Variants in CIZ1 observed in about 807,000 individuals in gnomAD.
CIZ1 encodes cip1-interacting zinc finger protein.
Under a neutral mutation model 118.6 loss-of-function variants are expected in CIZ1, and 58 were observed. That is an observed-to-expected ratio of 0.49 (90% confidence interval 0.40 to 0.61). The LOEUF (loss-of-function observed/expected upper bound fraction) is 0.61. Ranked by LOEUF, CIZ1 falls within the 20% of genes least tolerant of loss-of-function variation. The pLI, the probability that CIZ1 is intolerant of heterozygous loss-of-function variation, is 0.00. For missense variants in CIZ1, 921 were observed against 1,115.9 expected (o/e 0.83, Z 2.49); for synonymous variants, 448 against 443.4 (o/e 1.01, Z -0.13).
chr9:128,169,229 G>T lies in CIZ1; in HGVS notation c.2146-28C>A, dbSNP rs369867281. ...GCCCAGGGAGTAGGCAAGGAGCTCAGGTCAGCTCTGAACAGCCAGGGGGCC... is the reference window on the plus strand; with the variant it reads ...GCCCAGGGAGTAGGCAAGGAGCTCATGTCAGCTCTGAACAGCCAGGGGGCC... On this transcript the variant is annotated intron_variant, in intron 13 of 16. Coordinates refer to ENST00000372938, the MANE Select transcript of CIZ1 (RefSeq NM_001131016.2). The T allele has an allele frequency of 3.1e-6, 5 of 1,612,412 alleles. No homozygotes were observed. In the East Asian group the frequency reaches 1.1e-4, roughly 36 times the overall value.
chr9:128,183,546 A>C (rs1831963480), intron 5 of CIZ1, among the ~76,000 whole-genome samples: 1 of 152,228 alleles, frequency 6.6e-6, no homozygotes, highest in African/African-American at 2.4e-5. Context: ...GGGTGTGAGC[A>C]GGAGCTGCGG....
chr9:128,169,667 C>G, intron 12 of CIZ1, 148 bp from the exon 13 acceptor site: 4 of 1,538,920 alleles, frequency 2.6e-6, no homozygotes, highest in Non-Finnish European at 3.5e-6. Flanking sequence ...TGCACTGGAA[C>G]GTGGGCAAAC....
intron 11 of CIZ1, among the ~76,000 whole-genome samples, chr9:128,174,474 A>G (rs1830617589): frequency 6.6e-6 from 1 of 152,124 alleles, no homozygotes; most frequent in Non-Finnish European, 1.5e-5. Context: ...TATCTCTTAT[A>G]TTCCCACTAA....
In CIZ1 at chr9:128,203,292, G is replaced by T. The variant is rs1437832162; in HGVS notation, c.-6+894C>A. The T allele has an allele frequency of 5.8e-6, 2 of 343,752 alleles. No individual in the cohort carries two copies. Among genetic ancestry groups the T allele is most frequent in the African/African-American group, 4.4e-5 (2 of 45,548 alleles). 21.3% of individuals were successfully genotyped at this position (343,752 alleles called of 1,614,324 possible). A position where few individuals can be genotyped will look rare whatever the true frequency, so the allele number is the denominator to read the frequency against. On this transcript the variant is annotated intron_variant, in intron 1 of 17. Transcript: ENST00000372948. The surrounding 1 kb of genome is among the most constrained non-coding windows in gnomAD (Gnocchi z 5.3). ...GGACGGCGCCTGCGCACGGCGGCCG[G>T]CCCGCAGCGCCGCGGGCTCCCCCTA... is the stretch of plus-strand genomic sequence containing the variant.
At chr9:128,185,802 G>C in intron 4 of CIZ1, 26 bp from the exon 5 acceptor site, 1 of 1,557,112 alleles carries the variant, frequency 6.4e-7, no homozygotes, top group Non-Finnish European at 8.8e-7. Flanking sequence ...CAGGAGAAGA[G>C]GGGTCACAAT....
chr9:128,173,770 G>A (rs1011731149), intron 11 of CIZ1, among the ~76,000 whole-genome samples: 9 of 151,994 alleles, frequency 5.9e-5, no homozygotes, highest in Admixed American at 5.2e-4. Context: ...ACTTTGGGAG[G>A]CCAAGGCGGG....
At chr9:128,177,528 G>GCGCCCCCCCCCCCCCCC in intron 10 of CIZ1, 38 bp downstream of exon 10, 1 of 1,164,644 alleles carries the variant, frequency 8.6e-7, no homozygotes. Flanking sequence ...TTCCACGCAG[G>GCGCCCCCCCCCCCCCCC]CCCCACCCCT....
At chr9:128,175,627 C>G (rs1830758005) in intron 11 of CIZ1, among the ~76,000 whole-genome samples, 3 of 152,172 alleles carry the variant, frequency 2.0e-5, no homozygotes, top group Admixed American at 6.5e-5. Context: ...TTGATTTGCT[C>G]TCCGTAGGGT....
At chr9:128,189,853 A>AAAAAAAAAAAAAAAAAAAAAC (rs1832911896) in intron 3 of CIZ1, among the ~76,000 whole-genome samples, 1 of 149,250 alleles carries the variant, frequency 6.7e-6, no homozygotes. Context: ...AAAAAAAAAA[A>AAAAAAAAAAAAAAAAAAAAAC]AAAAGGAGCA....
At chr9:128,177,906 C>G in intron 9 of CIZ1, 143 bp from the exon 10 acceptor site, 2 of 620,682 alleles carry the variant, frequency 3.2e-6, no homozygotes, top group Non-Finnish European at 5.4e-6. Flanking sequence ...CTGACTACCC[C>G]AGCTTGCACA....
chr9:128,166,778 C>T lies in CIZ1; in HGVS notation c.2468G>A (p.Gly823Asp). Residue 823 changes from glycine (G) to aspartate (D), a missense_variant, in exon 16 of 17, where the codon GGC becomes GAC. Coordinates refer to ENST00000372938, the MANE Select transcript of CIZ1 (RefSeq NM_001131016.2). This position sits in a 1 kb window ranked among gnomAD's most constrained non-coding sequence, Gnocchi z 4.4. ...GAQLSHCKSL[G>D]HFENLQKYKA... ...GCTCACCTGCAGGTTCTCAAAGTGG[C>T]CCAGGGACTTGCAGTGGGAGAGCTG... 1.2e-6 allele frequency: 2 copies of T among 1,614,192 alleles called. No homozygotes were observed. Among genetic ancestry groups the T allele is most frequent in the East Asian group, 4.5e-5 (2 of 44,888 alleles).
At chr9:128,192,444 G>T (rs1367797441), upstream of CIZ1, among the ~76,000 whole-genome samples, 3 of 152,010 alleles carry the variant, frequency 2.0e-5, no homozygotes, top group Admixed American at 6.6e-5. Flanking sequence ...CACCTAAAAT[G>T]GTCCTGCCCC....
At chr9:128,173,825 A>T (rs375270010) in intron 11 of CIZ1, among the ~76,000 whole-genome samples, 79 of 151,914 alleles carry the variant, frequency 5.2e-4, no homozygotes, top group South Asian at 2.7e-3. Context: ...GCTAACACAG[A>T]GAAACCCTGT....
chr9:128,201,210 G>A lies in CIZ1; in HGVS notation c.-6+2976C>T, dbSNP rs9721846. On this transcript the variant is annotated intron_variant, in intron 1 of 17. Transcript: ENST00000372948. ...TTGAACCCAGGAGGTGGAGGTTGCA[G>A]TGAGCCAAGATCGCACCACTGCACT... 0.011 allele frequency among the ~76,000 whole-genome samples: 1,634 copies of A among 152,156 alleles called. 56 individuals are homozygous for A. In the East Asian group the frequency reaches 0.12, roughly 11 times the overall value.
At chr9:128,186,836 A>G (rs1000716865) in intron 4 of CIZ1, among the ~76,000 whole-genome samples, 9 of 151,736 alleles carry the variant, frequency 5.9e-5, no homozygotes, top group African/African-American at 1.9e-4. Context: ...AGACCTCCCT[A>G]TAGGTATCTC....
chr9:128,172,757 G>A (rs1474729596), intron 11 of CIZ1, among the ~76,000 whole-genome samples: 1 of 152,030 alleles, frequency 6.6e-6, no homozygotes, highest in Non-Finnish European at 1.5e-5. Flanking sequence ...TTTATCTCTG[G>A]GTAATGGGAT....
chr9:128,202,365 G>A (rs1309285738), intron 1 of CIZ1, among the ~76,000 whole-genome samples: 1 of 152,214 alleles, frequency 6.6e-6, no homozygotes, highest in Non-Finnish European at 1.5e-5. Flanking sequence ...TGGTCTGTCT[G>A]TGTGAAAGGG....
At chr9:128,199,380 T>G (rs1269594012) in intron 1 of CIZ1, among the ~76,000 whole-genome samples, 1 of 151,184 alleles carries the variant, frequency 6.6e-6, no homozygotes, top group East Asian at 1.9e-4. Flanking sequence ...AAAAAAAAAT[T>G]CTGCCCAGCA....
At chr9:128,169,562 G>A in intron 12 of CIZ1, 43 bp from the exon 13 acceptor site, 1 of 1,608,616 alleles carries the variant, frequency 6.2e-7, no homozygotes, top group Middle Eastern at 1.7e-4. Flanking sequence ...CCAGCTGCAA[G>A]CCCCCTGACT....
Sources: allele counts gnomAD v4.1 joint callset (sites outside exome capture counted in the v4.1 genomes callset), GRCh38; gene constraint gnomAD v4.1.1; non-coding constraint Gnocchi (gnomAD v3.1); transcripts MANE v1.5; gene names NCBI Gene and HGNC (gene_info 2026-07-23, HGNC 2026-07-21).